The following DPYD variants were observed in gnomAD, a reference collection of about 807,000 sequenced individuals.
DPYD encodes the protein dihydropyrimidine dehydrogenase.
Under a neutral mutation model 116.2 loss-of-function variants are expected in DPYD, and 109 were observed. The ratio of observed to expected loss-of-function variants is 0.94; its 90% CI spans 0.80 to 1.10. DPYD has a LOEUF of 1.10. Ranked by LOEUF, DPYD falls within the 50% of genes least tolerant of loss-of-function variation. The pLI is 0.00. For synonymous variants in DPYD, 440 were observed against 432.0 expected (o/e 1.02, Z -0.23); for missense variants, 1,302 against 1,254.5 (o/e 1.04, Z -0.57).
At chr1:97,096,146 T>C (rs2101589006) in intron 21 of DPYD, among the ~76,000 whole-genome samples, 1 of 152,308 alleles carries the variant, frequency 6.6e-6, no homozygotes, top group African/African-American at 2.4e-5. Context: ...TCAGAAATCT[T>C]TATCTACATC....
chr1:97,659,351 A>G (rs1659122131), intron 8 of DPYD, among the ~76,000 whole-genome samples: 1 of 152,170 alleles, frequency 6.6e-6, no homozygotes, highest in Non-Finnish European at 1.5e-5. Context: ...GGCAGTCTGG[A>G]AATTCAAGGG....
chr1:97,208,592 C>T (rs1334545802), intron 19 of DPYD, among the ~76,000 whole-genome samples: 2 of 151,984 alleles, frequency 1.3e-5, no homozygotes, highest in African/African-American at 4.8e-5. Context: ...GCCAAGGGAG[C>T]TATATTCAAA....
At chr1:97,720,941 GA>G (rs780900265) in intron 5 of DPYD, 10 of 1,599,744 alleles carry the variant, frequency 6.3e-6, no homozygotes, top group African/African-American at 1.4e-5. Flanking sequence ...GGGATAAACA[GA>G]AAAAAAAGTG....
At chr1:97,725,320 A>G (rs893719874) in intron 4 of DPYD, among the ~76,000 whole-genome samples, 2 of 151,572 alleles carry the variant, frequency 1.3e-5, no homozygotes, top group African/African-American at 4.8e-5. Flanking sequence ...ACCTAAATAA[A>G]TGAAAATACA....
rs151216654 is a variant in DPYD at position 97,450,128 on chromosome 1, G to T, written c.1836C>A (p.Leu612=). The T allele has an allele frequency of 6.8e-6, 11 of 1,613,828 alleles. No individual in the cohort carries two copies. Among genetic ancestry groups the T allele is most frequent in the Non-Finnish European group, 9.3e-6 (11 of 1,179,916 alleles). Residue 612 remains leucine (L), a synonymous_variant, in exon 14 of 23, where the codon CTC becomes CTA. Coordinates refer to ENST00000370192, the MANE Select transcript of DPYD (RefSeq NM_000110.4). Reference sequence around the variant, plus strand: ...AATATGCAGCCGTTTTCTCACTGATGAGCTCAATATTCAGAAAGGAGCTTT... The same window carrying T: ...AATATGCAGCCGTTTTCTCACTGATTAGCTCAATATTCAGAAAGGAGCTTT... ...PGQSSFLNIE[L]ISEKTAAYWC...
At chr1:97,597,964 T>C (rs181170335) in intron 8 of DPYD, among the ~76,000 whole-genome samples, 1 of 152,052 alleles carries the variant, frequency 6.6e-6, no homozygotes, top group East Asian at 1.9e-4. Context: ...TTTAAAAATG[T>C]TAAAAAAATT....
intron 20 of DPYD, among the ~76,000 whole-genome samples, chr1:97,165,049 G>T (rs1030452789): frequency 6.6e-6 from 1 of 151,962 alleles, no homozygotes; most frequent in East Asian, 1.9e-4. Context: ...AATTATCAAT[G>T]ATATTCTTCA....
chr1:97,161,710 A>G, intron 20 of DPYD, among the ~76,000 whole-genome samples: 1 of 126,136 alleles, frequency 7.9e-6, no homozygotes, highest in Non-Finnish European at 1.7e-5. Context: ...TCCTAATGCT[A>G]TCCCTCCCCC....
intron 14 of DPYD, among the ~76,000 whole-genome samples, chr1:97,427,092 A>C (rs1215179083): frequency 6.6e-6 from 1 of 152,098 alleles, no homozygotes; most frequent in Non-Finnish European, 1.5e-5. Flanking sequence ...TCTTCAAATA[A>C]GTCCTTTAAG....
chr1:97,270,077 G>A (rs1211969576), intron 18 of DPYD, among the ~76,000 whole-genome samples: 1 of 152,100 alleles, frequency 6.6e-6, no homozygotes, highest in Non-Finnish European at 1.5e-5. Context: ...CGAAGGCCTG[G>A]GGCCATGTAT....
intron 21 of DPYD, among the ~76,000 whole-genome samples, chr1:97,095,395 C>T (rs1650168617): frequency 6.6e-6 from 1 of 152,000 alleles, no homozygotes; most frequent in African/African-American, 2.4e-5. Flanking sequence ...CTTGGAACAA[C>T]TGTCTATTTG....
At chr1:97,609,864 C>G (rs1655825582) in intron 8 of DPYD, among the ~76,000 whole-genome samples, 1 of 151,786 alleles carries the variant, frequency 6.6e-6, no homozygotes, top group South Asian at 2.1e-4. Context: ...AATTACTTAC[C>G]TATCATCCCA....
intron 13 of DPYD, among the ~76,000 whole-genome samples, chr1:97,508,707 T>C (rs1322775550): frequency 6.6e-6 from 1 of 151,840 alleles, no homozygotes; most frequent in Non-Finnish European, 1.5e-5. Flanking sequence ...AAAAGCATGA[T>C]ATAGTGGAAA....
At chr1:97,270,062 C>A (rs1036800653) in intron 18 of DPYD, among the ~76,000 whole-genome samples, 1 of 152,150 alleles carries the variant, frequency 6.6e-6, no homozygotes, top group Non-Finnish European at 1.5e-5. Flanking sequence ...AGGTTATAAG[C>A]ACCACGAAGG....
At chr1:97,570,672 T>C (rs930264917) in intron 11 of DPYD, among the ~76,000 whole-genome samples, 2 of 151,908 alleles carry the variant, frequency 1.3e-5, no homozygotes, top group African/African-American at 4.8e-5. Context: ...GCAATAATAG[T>C]GAATTTGAGA....
At chr1:97,752,290 T>TCACACACACA (rs146577982) in intron 3 of DPYD, among the ~76,000 whole-genome samples, 2 of 145,862 alleles carry the variant, frequency 1.4e-5, no homozygotes, top group African/African-American at 2.5e-5. Flanking sequence ...TAAACCTACT[T>TCACACACACA]CACACACACA....
intron 4 of DPYD, among the ~76,000 whole-genome samples, chr1:97,733,697 C>T (rs1663762760): frequency 6.6e-6 from 1 of 151,848 alleles, no homozygotes. Flanking sequence ...ATTGTAATTA[C>T]TTTATTTCTC....
chr1:97,761,908 G>T (rs907000044), intron 3 of DPYD, among the ~76,000 whole-genome samples: 27 of 151,916 alleles, frequency 1.8e-4, no homozygotes, highest in Admixed American at 6.6e-5. Context: ...CACAGGAAAA[G>T]AAAATCAAAT....
intron 3 of DPYD, among the ~76,000 whole-genome samples, chr1:97,785,153 C>T (rs891388777): frequency 2.0e-5 from 3 of 152,056 alleles, no homozygotes; most frequent in African/African-American, 7.2e-5. Flanking sequence ...AAGAGAAAAA[C>T]ATAGCAGCAT....
Sources: gnomAD v4.1 joint callset for allele counts (sites outside exome capture counted in the v4.1 genomes callset) on GRCh38, gnomAD v4.1.1 for gene constraint, MANE v1.5 for transcripts, NCBI Gene and HGNC (gene_info 2026-07-23, HGNC 2026-07-21) for gene names.